The following CHD5 variants were observed in gnomAD, a reference collection of about 807,000 sequenced individuals.
CHD5 encodes chromodomain helicase DNA binding protein 5.
Under a neutral mutation model 230.3 loss-of-function variants are expected in CHD5, and 69 were observed. The ratio of observed to expected loss-of-function variants is 0.30; its 90% CI spans 0.25 to 0.37. The LOEUF (loss-of-function observed/expected upper bound fraction) is 0.37. CHD5 is among the 10% of genes least tolerant of loss of function. The pLI is 1.00. For missense variants in CHD5, 1,827 were observed against 2,622.8 expected (o/e 0.70, Z 6.63); for synonymous variants, 1,064 against 1,065.9 (o/e 1.00, Z 0.03).
Position 6,102,432 on chromosome 1 carries a change from T to C in CHD5, c.*3042A>G, listed in dbSNP as rs2100821457. The C allele has an allele frequency of 6.5e-6, 1 of 153,568 alleles. No individual in the cohort carries two copies. The highest frequency in any genetic ancestry group is 1.9e-4 in the East Asian group (1 of 5,164). The allele number at this position is 153,568 out of a possible 1,614,324, so 9.5% of individuals were successfully genotyped here. A position where few individuals can be genotyped will look rare whatever the true frequency, so the allele number is the denominator to read the frequency against. ...GGCCGAGGCCAGGTCACCAAGACGG[T>C]GAGGGCAGAGGGGCGTGCCAGCCTC... On this transcript the variant is annotated 3_prime_UTR_variant, in exon 42 of 42. Coordinates refer to ENST00000262450, the MANE Select transcript of CHD5 (RefSeq NM_015557.3).
chr1:6,171,240 C>T (rs1667333601), intron 1 of CHD5, among the ~76,000 whole-genome samples: 1 of 152,228 alleles, frequency 6.6e-6, no homozygotes, highest in African/African-American at 2.4e-5. Flanking sequence ...GACCCCTGCT[C>T]TGGCCCTAAC....
Position 6,146,075 on chromosome 1 carries a change from T to C in CHD5, c.1802+137A>G, listed in dbSNP as rs1666906274. On this transcript the variant is annotated intron_variant, in intron 11 of 41. Coordinates refer to ENST00000262450, the MANE Select transcript of CHD5 (RefSeq NM_015557.3). The surrounding 1 kb of genome is among the most constrained non-coding windows in gnomAD (Gnocchi z 5.1). ...CCTGGGCCCTTCCTTGTGCCCCTGC[T>C]GTGCCCACATGTGGTTCTGCACGGC... 1.3e-6 allele frequency: 1 copy of C among 770,080 alleles called. No individual in the cohort carries two copies. The highest frequency in any genetic ancestry group is 2.5e-5 in the East Asian group (1 of 39,348). The allele number at this position is 770,080 out of a possible 1,614,324, so 47.7% of individuals were successfully genotyped here.
chr1:6,106,624 T>C lies in CHD5; in HGVS notation c.5734A>G (p.Ile1912Val). 6.3e-7 allele frequency: 1 copy of C among 1,575,886 alleles called. No individual in the cohort carries two copies. Among genetic ancestry groups the C allele is most frequent in the Non-Finnish European group, 8.6e-7 (1 of 1,161,376 alleles). The change falls in exon 39 of 42, where the codon ATC becomes GTC. Residue 1912 changes from isoleucine to valine, a missense_variant. Coordinates refer to ENST00000262450, the MANE Select transcript of CHD5 (RefSeq NM_015557.3). ...RLTNRAGDPT[I>V]QQGAFGSSQM... ...CACAGGCCGAGCCTGACCTGCTGGA[T>C]GGTGGGGTCCCCGGCGCGGTTGGTC...
At chr1:6,127,086 G>T (rs1039522479) in intron 25 of CHD5, 1 of 330,848 alleles carries the variant, frequency 3.0e-6, no homozygotes, top group Admixed American at 4.7e-5. Flanking sequence ...GGCTCACCAG[G>T]TCTGCACGGA....
intron 33 of CHD5, among the ~76,000 whole-genome samples, chr1:6,120,225 A>G (rs1306058194): frequency 6.6e-6 from 1 of 152,162 alleles, no homozygotes; most frequent in Non-Finnish European, 1.5e-5. Context: ...TCAAGCACAC[A>G]TACATCATTT....
chr1:6,118,496 T>A (rs1666412401), intron 33 of CHD5, among the ~76,000 whole-genome samples: 1 of 152,102 alleles, frequency 6.6e-6, no homozygotes, highest in Admixed American at 6.6e-5. Flanking sequence ...ACTGCATTAT[T>A]CCATTGGTAT....
chr1:6,153,330 CA>C (rs1298016391), intron 5 of CHD5, among the ~76,000 whole-genome samples: 1 of 152,242 alleles, frequency 6.6e-6, no homozygotes, highest in Non-Finnish European at 1.5e-5. Context: ...GCTGGGCAGA[CA>C]GGGGCGGGCC....
chr1:6,166,222 C>T (rs1186190064), intron 2 of CHD5, among the ~76,000 whole-genome samples: 1 of 139,772 alleles, frequency 7.2e-6, no homozygotes, highest in Admixed American at 7.4e-5. Flanking sequence ...CATGCACACA[C>T]GTGTGTGCAC....
Position 6,125,190 on chromosome 1 carries a change from G to A in CHD5, c.4304C>T (p.Ala1435Val), listed in dbSNP as rs777670164. 5 of 1,607,656 alleles carry A rather than the reference G, an allele frequency of 3.1e-6. No homozygotes were observed. Among genetic ancestry groups the A allele is most frequent in the Non-Finnish European group, 4.2e-6 (5 of 1,178,336 alleles). ...NARQRKAFLN[A>V]IMRWGMPPQD... is the part of the protein sequence containing the mutation. ...CGGGGGCATGCCCCAGCGCATGATG[G>A]CGTTCAGAAAGGCCTTCCGCTGTCG... The change falls in exon 29 of 42, where the codon GCC becomes GTC. Residue 1435 changes from alanine (A) to valine (V), a missense_variant. Ala to Val is a moderately conservative substitution (Grantham distance 64, BLOSUM62 0). Transcript: ENST00000262450. The surrounding 1 kb of genome is among the most constrained non-coding windows in gnomAD (Gnocchi z 6.7).
intron 1 of CHD5, among the ~76,000 whole-genome samples, chr1:6,169,284 C>G (rs375597095): frequency 1.3e-5 from 2 of 152,396 alleles, no homozygotes; most frequent in East Asian, 3.9e-4. Flanking sequence ...CGCATTCCAG[C>G]TGGGCACTAG....
rs548659098 is a variant in CHD5 at position 6,167,366 on chromosome 1, T to C, written c.207+784A>G. On this transcript the variant is annotated intron_variant, in intron 2 of 41. Transcript: ENST00000262450. The surrounding 1 kb of genome is among the most constrained non-coding windows in gnomAD (Gnocchi z 4.5). ...GAGGTGCTTGCCATTGCTCTCAACA[T>C]AGGGTCGCTTGGAGGATCAGAGGAG... Among the ~76,000 whole-genome samples, 1 of 152,258 alleles carries C rather than the reference T, an allele frequency of 6.6e-6. No homozygotes were observed. Among genetic ancestry groups the C allele is most frequent in the South Asian group, 2.1e-4 (1 of 4,822 alleles).
Position 6,117,521 on chromosome 1 carries a change from G to A in CHD5, c.4912+3584C>T, listed in dbSNP as rs147829709. On this transcript the variant is annotated intron_variant, in intron 33 of 41. Coordinates refer to ENST00000262450, the MANE Select transcript of CHD5 (RefSeq NM_015557.3). ...GGGCCCAGGACTTCAAAGCCCTCCT[G>A]GACAACATAGTAAGGCCCTGTCTCT... Among the ~76,000 whole-genome samples the A allele has an allele frequency of 2.0e-3, 310 of 152,024 alleles. 1 individual carries two copies. The highest frequency in any genetic ancestry group is 7.3e-3 in the African/African-American group (302 of 41,442).
At chr1:6,174,259 A>C (rs771682677) in intron 1 of CHD5, among the ~76,000 whole-genome samples, 1 of 152,126 alleles carries the variant, frequency 6.6e-6, no homozygotes, top group Non-Finnish European at 1.5e-5. Flanking sequence ...AGGGAAGGAG[A>C]GTGAAATAAG....
chr1:6,179,461 C>G (rs1292990881), intron 1 of CHD5, among the ~76,000 whole-genome samples: 1 of 152,086 alleles, frequency 6.6e-6, no homozygotes, highest in Non-Finnish European at 1.5e-5. Flanking sequence ...CGCCGGTCCT[C>G]GCCCCTCTCT....
chr1:6,106,133 T>C, intron 41 of CHD5, 101 bp downstream of exon 41: 3 of 1,101,308 alleles, frequency 2.7e-6, no homozygotes, highest in African/African-American at 1.6e-5. Context: ...CTCCAGGACT[T>C]AGGGACGGGA....
At position 6,146,953 on chromosome 1, in the gene CHD5, C is replaced by T. The variant is rs528020044; in HGVS notation, c.1384-82G>A. ...GCTCCCATGACAGCAGGCTGCCATG[C>T]AGGCTCCCTCCCATCAGTGCCACTG... On this transcript the variant is annotated intron_variant, in intron 9 of 41. Transcript: ENST00000262450. This position sits in a 1 kb window ranked among gnomAD's most constrained non-coding sequence, Gnocchi z 5.1. The T allele has an allele frequency of 1.7e-4, 179 of 1,079,436 alleles. 2 individuals are homozygous for T. In the African/African-American group the frequency reaches 2.4e-3, roughly 14 times the overall value. The allele number at this position is 1,079,436 out of a possible 1,614,324, so 66.9% of individuals were successfully genotyped here. A position where few individuals can be genotyped will look rare whatever the true frequency, so the allele number is the denominator to read the frequency against.
chr1:6,136,383 T>C (rs1666747016), intron 17 of CHD5, 134 bp downstream of exon 17: 2 of 1,049,806 alleles, frequency 1.9e-6, no homozygotes, highest in Non-Finnish European at 2.8e-6. Context: ...GCGGGGACAT[T>C]GCTAATGCTC....
chr1:6,146,421 C>T lies in CHD5; in HGVS notation c.1593G>A (p.Leu531=), dbSNP rs776256168. Residue 531 remains leucine (L), a splice_region_variant and synonymous_variant, in exon 11 of 42, where the codon CTG becomes CTA. Transcript: ENST00000262450. The surrounding 1 kb of genome is among the most constrained non-coding windows in gnomAD (Gnocchi z 5.1). ...WHCSWVKELQ[L]ELYHTVMYRN... The stretch of plus-strand genomic sequence containing the variant: ...GATACATCACCGTGTGGTACAGCTC[C>T]AGCTGCTCATGGAGCGGCACAAAGT... The T allele has an allele frequency of 3.1e-6, 5 of 1,613,090 alleles. No individual in the cohort carries two copies. In the South Asian group the frequency reaches 4.4e-5, roughly 14 times the overall value.
intron 17 of CHD5, among the ~76,000 whole-genome samples, chr1:6,135,891 T>A (rs927830600): frequency 2.6e-5 from 4 of 152,060 alleles, no homozygotes; most frequent in Admixed American, 2.0e-4. Flanking sequence ...ATGCCTGTAA[T>A]CCCAGCTACT....
Sources: allele counts gnomAD v4.1 joint callset (sites outside exome capture counted in the v4.1 genomes callset), GRCh38; gene constraint gnomAD v4.1.1; non-coding constraint Gnocchi (gnomAD v3.1); transcripts MANE v1.5; gene names NCBI Gene and HGNC (gene_info 2026-07-23, HGNC 2026-07-21).